The following NEK9 variants were observed in gnomAD, a reference collection of about 807,000 sequenced individuals.
NEK9 encodes serine/threonine-protein kinase Nek9.
A neutral mutation model predicts 123.4 loss-of-function variants in NEK9; 75 were observed. That is an observed-to-expected ratio of 0.61 (90% CI 0.50 to 0.74). The LOEUF is 0.74. Ranked by LOEUF, NEK9 falls within the 30% of genes least tolerant of loss-of-function variation. The pLI, the probability that NEK9 is intolerant of heterozygous loss-of-function variation, is 0.00. For missense variants in NEK9, 952 were observed against 1,214.4 expected (o/e 0.78, Z 3.21); for synonymous variants, 438 against 458.7 (o/e 0.95, Z 0.58).
intron 19 of NEK9, 62 bp downstream of exon 19, chr14:75,091,208 T>C: frequency 7.2e-7 from 1 of 1,385,990 alleles, no homozygotes; most frequent in Non-Finnish European, 9.8e-7. Flanking sequence ...CCCTGACAGC[T>C]CTTTCTAGTT....
rs752058522 is a variant in NEK9 at position 75,107,512 on chromosome 14, CT to C, written c.1183-26del. ...TCTGTGAAATAAAGAGGTCTTATGA[CT>C]TTTTTTTTTAATTACATTTTATTAA... is the stretch of plus-strand genomic sequence containing the variant. On this transcript the variant is annotated intron_variant, in intron 10 of 21. Transcript: ENST00000238616. The C allele has an allele frequency of 4.5e-3, 6,291 of 1,383,074 alleles. 1 individual carries two copies. Among genetic ancestry groups the C allele is most frequent in the Admixed American group, 6.0e-3 (246 of 41,252 alleles). The allele number at this position is 1,383,074 out of a possible 1,614,324, so 85.7% of individuals were successfully genotyped here.
Position 75,080,944 on chromosome 14 carries a change from A to AT in NEK9, c.*3619dup, listed in dbSNP as rs1223164064. ...ACCGCGCCTGTCCTGCCAAGACAGT[A>AT]TTTTTTTTTTTATTTTTGAGATGGA... is the stretch of plus-strand genomic sequence containing the variant. On this transcript the variant is annotated 3_prime_UTR_variant, in exon 22 of 22. Transcript: ENST00000238616. 872 of 120,864 alleles carry AT rather than the reference A, an allele frequency of 7.2e-3. 7 individuals carry two copies. Among genetic ancestry groups the AT allele is most frequent in the Middle Eastern group, 0.036 (5 of 140 alleles). The allele number at this position is 120,864 out of a possible 1,614,324, so 7.5% of individuals were successfully genotyped here.
chr14:75,109,679 A>G lies in NEK9; in HGVS notation c.1182+6T>C. The G allele has an allele frequency of 6.2e-7, 1 of 1,609,050 alleles. No homozygotes were observed. Among genetic ancestry groups the G allele is most frequent in the Non-Finnish European group, 8.5e-7 (1 of 1,178,494 alleles). On this transcript the variant is annotated splice_donor_region_variant and intron_variant, in intron 10 of 21. Transcript: ENST00000238616. ...CACTGTTCCAAAATGCTTAGCGTTC[A>G]CTTACCACCCAAGTGTACAGTTCCT...
intron 17 of NEK9, chr14:75,096,609 G>C (rs1350528850): frequency 2.0e-5 from 3 of 152,136 alleles, no homozygotes; most frequent in African/African-American, 7.2e-5. Context: ...CTGAGGTCAG[G>C]AGTTCTAGAC....
intron 4 of NEK9, among the ~76,000 whole-genome samples, 169 bp from the exon 5 acceptor site, chr14:75,119,104 C>A (rs1021491682): frequency 1.3e-5 from 2 of 151,950 alleles, no homozygotes; most frequent in Admixed American, 6.6e-5. Flanking sequence ...CTGCTTGAGG[C>A]CAGGAGTTCT....
At chr14:75,088,443 T>G in intron 20 of NEK9, 37 bp downstream of exon 20, 1 of 1,602,672 alleles carries the variant, frequency 6.2e-7, no homozygotes, top group Non-Finnish European at 8.5e-7. Context: ...AGTGACTGTT[T>G]ACCTAGTTGT....
At position 75,088,641 on chromosome 14, in the gene NEK9, C is replaced by A. The variant is rs1223573300; in HGVS notation, c.2443G>T (p.Glu815Ter). The A allele has an allele frequency of 6.2e-7, 1 of 1,612,692 alleles. No individual in the cohort carries two copies. The highest frequency in any genetic ancestry group is 8.5e-7 in the Non-Finnish European group (1 of 1,179,476). The change falls in exon 20 of 22, where the codon GAG becomes TAG. Residue 815 changes from glutamate (E) to a stop codon, truncating the protein, a stop_gained and splice_region_variant. Transcript: ENST00000238616. LOFTEE classifies it high-confidence loss of function. Reference protein sequence around the residue: ...SSSCPGWLRKELENAEFIPMP... With the variant: ...SSSCPGWLRK ...GGGATAAATTCTGCATTTTCCAGCT[C>A]CTATGTATATGAGAAAGAATCTCAT...
intron 5 of NEK9, 140 bp from the exon 6 acceptor site, chr14:75,117,466 A>G (rs774470695): frequency 7.3e-5 from 62 of 851,344 alleles, no homozygotes; most frequent in Non-Finnish European, 1.1e-4. Flanking sequence ...AATGGTTTTT[A>G]TGAGACGATG....
intron 15 of NEK9, 94 bp from the exon 16 acceptor site, chr14:75,101,247 T>C (rs2139751894): frequency 5.3e-6 from 7 of 1,313,412 alleles, no homozygotes; most frequent in South Asian, 1.5e-5. Flanking sequence ...TAGCTTCCGG[T>C]TGTTAGAATA....
intron 6 of NEK9, among the ~76,000 whole-genome samples, chr14:75,115,260 C>T (rs1895103810): frequency 6.6e-6 from 1 of 152,108 alleles, no homozygotes; most frequent in African/African-American, 2.4e-5. Flanking sequence ...GGATTACGGG[C>T]ATGCGCCACC....
At chr14:75,124,938 A>ATTT (rs34243579) in intron 1 of NEK9, among the ~76,000 whole-genome samples, 60 of 139,512 alleles carry the variant, frequency 4.3e-4, no homozygotes, top group Non-Finnish European at 6.1e-4. Flanking sequence ...ACTCAGCTAA[A>ATTT]TTTTTTTTTT....
chr14:75,086,769 G>A (rs1241031969), intron 21 of NEK9: 1 of 413,938 alleles, frequency 2.4e-6, no homozygotes, highest in African/African-American at 2.0e-5. Context: ...AGCCGGGCAT[G>A]GTGGTGCACA....
rs766121463 is a variant in NEK9 at position 75,103,853 on chromosome 14, T to G, written c.1720A>C (p.Ile574Leu). 1 of 1,611,254 alleles carries G rather than the reference T, an allele frequency of 6.2e-7. No homozygotes were observed. The highest frequency in any genetic ancestry group is 8.5e-7 in the Non-Finnish European group (1 of 1,179,120). The change falls in exon 14 of 22, where the codon ATC becomes CTC. Residue 574 changes from isoleucine to leucine, a missense_variant. Physicochemically the swap from Ile to Leu is conservative, Grantham distance 5. Transcript: ENST00000238616. ...ATCAGGACACTCACTTCATGGTTGA[T>G]AATTCCCGACATGCACTGATTCAGA... The part of the protein sequence containing the change: ...LGLNQCMSGI[I>L]NHEAYHEVPY...
intron 10 of NEK9, among the ~76,000 whole-genome samples, chr14:75,108,442 A>G (rs529812173): frequency 6.6e-6 from 1 of 151,936 alleles, no homozygotes. Context: ...ACAGTTTTAT[A>G]GAGAAAAATA....
rs1456054745 is a variant in NEK9, at chr14:75,107,507, T to A, written c.1183-20A>T. 7.1e-6 allele frequency: 11 copies of A among 1,559,032 alleles called. No individual in the cohort carries two copies. The highest frequency in any genetic ancestry group is 1.4e-5 in the African/African-American group (1 of 71,406). On this transcript the variant is annotated intron_variant, in intron 10 of 21. Coordinates refer to ENST00000238616, the MANE Select transcript of NEK9 (RefSeq NM_033116.6). ...CATGTTCTGTGAAATAAAGAGGTCT[T>A]ATGACTTTTTTTTTTAATTACATTT...
chr14:75,103,475 A>G (rs990907097), intron 14 of NEK9, among the ~76,000 whole-genome samples: 3 of 152,222 alleles, frequency 2.0e-5, no homozygotes, highest in South Asian at 4.1e-4. Context: ...ACACACTGCA[A>G]AATATCACAC....
upstream of NEK9, chr14:75,127,052 T>G (rs1895565684): frequency 4.4e-6 from 3 of 677,026 alleles, no homozygotes; most frequent in Admixed American, 4.0e-5. Context: ...CGATGGTGGC[T>G]CCTGCCCCCC....
At chr14:75,124,278 T>C (rs1895442386) in intron 1 of NEK9, 55 bp from the exon 2 acceptor site, 2 of 1,526,122 alleles carry the variant, frequency 1.3e-6, no homozygotes, top group Non-Finnish European at 1.8e-6. Flanking sequence ...AGCAAATGAA[T>C]CCACACCTAG....
At chr14:75,111,229 T>C (rs905087696) in intron 8 of NEK9, among the ~76,000 whole-genome samples, 2 of 152,154 alleles carry the variant, frequency 1.3e-5, no homozygotes, top group Non-Finnish European at 2.9e-5. Context: ...TTTTCCAGAC[T>C]TCCTTCCTTT....
Sources: allele counts gnomAD v4.1 joint callset (sites outside exome capture counted in the v4.1 genomes callset), GRCh38; gene constraint gnomAD v4.1.1; transcripts MANE v1.5; gene names NCBI Gene and HGNC (gene_info 2026-07-23, HGNC 2026-07-21).